AGBL4: variants seen among roughly 807,000 people sequenced by gnomAD.
AGBL4 encodes the protein cytosolic carboxypeptidase 6.
Under a neutral mutation model 66.4 loss-of-function variants are expected in AGBL4, and 58 were observed. The observed-to-expected ratio is 0.87, with a 90% CI of 0.71 to 1.09. The LOEUF is 1.09. AGBL4 is among the 50% of genes least tolerant of loss of function. AGBL4 has a pLI of 0.00. For synonymous variants in AGBL4, 234 were observed against 222.9 expected, an observed-to-expected ratio of 1.05 and a Z score of -0.44; for missense variants, 579 against 631.0, an observed-to-expected ratio of 0.92 and a Z score of 0.88.
intron 6 of AGBL4, among the ~76,000 whole-genome samples, chr1:48,711,493 G>A (rs996116890): frequency 2.6e-5 from 4 of 152,142 alleles, no homozygotes; most frequent in East Asian, 3.9e-4. Context: ...ACCAGGCACC[G>A]CTATGTCAGG....
chr1:48,639,027 G>C (rs1320757014), intron 8 of AGBL4, among the ~76,000 whole-genome samples: 1 of 152,096 alleles, frequency 6.6e-6, no homozygotes, highest in Non-Finnish European at 1.5e-5. Flanking sequence ...CTCCCCAGTT[G>C]GCTATGCTGC....
At chr1:49,673,887 A>C (rs1022107707) in intron 3 of AGBL4, among the ~76,000 whole-genome samples, 10 of 152,136 alleles carry the variant, frequency 6.6e-5, no homozygotes, top group Admixed American at 5.9e-4. Flanking sequence ...TTCCTAAATG[A>C]AAGAGGAAAG....
intron 2 of AGBL4, among the ~76,000 whole-genome samples, chr1:49,727,912 C>T (rs576145670): frequency 6.6e-6 from 1 of 152,140 alleles, no homozygotes; most frequent in African/African-American, 2.4e-5. Flanking sequence ...ATAATGTTTT[C>T]TGAAAACTCT....
At position 48,532,988 on chromosome 1, in the gene AGBL4, A is replaced by G. The variant is rs536364013; in HGVS notation, c.*1185T>C. 6.6e-6 allele frequency: 1 copy of G among 152,394 alleles called. No homozygotes were observed. Among genetic ancestry groups the G allele is most frequent in the East Asian group, 1.9e-4 (1 of 5,184 alleles). 9.4% of individuals were successfully genotyped at this position (152,394 alleles called of 1,614,324 possible). ...TTCTGAAAACTAGCATGCAAAGGAG[A>G]ACAAGTTTTCTTTTTGATTTTTGTA... On this transcript the variant is annotated 3_prime_UTR_variant, in exon 14 of 14. Transcript: ENST00000371839.
In AGBL4 at chr1:48,714,575, C is replaced by T. The variant is rs183450485; in HGVS notation, c.635-51334G>A. ...ACTATTAAGCCCCCTCGTTTCTGTTCTTCCTAACTCCAGTCTCACCCCTTC... is the reference window on the plus strand; with the variant it reads ...ACTATTAAGCCCCCTCGTTTCTGTTTTTCCTAACTCCAGTCTCACCCCTTC... On this transcript the variant is annotated intron_variant, in intron 6 of 13. Coordinates refer to ENST00000371839, the MANE Select transcript of AGBL4 (RefSeq NM_032785.4). 2.1e-3 allele frequency among the ~76,000 whole-genome samples: 323 copies of T among 152,326 alleles called. 2 individuals are homozygous for T. Among genetic ancestry groups the T allele is most frequent in the Non-Finnish European group, 3.2e-3 (217 of 68,032 alleles).
At chr1:48,582,531 G>C (rs573497884) in intron 11 of AGBL4, among the ~76,000 whole-genome samples, 1 of 152,312 alleles carries the variant, frequency 6.6e-6, no homozygotes, top group East Asian at 1.9e-4. Flanking sequence ...CTAGTTGCTA[G>C]TTCCAAAGCC....
intron 3 of AGBL4, among the ~76,000 whole-genome samples, chr1:49,522,935 T>C (rs1650378593): frequency 6.6e-6 from 1 of 152,012 alleles, no homozygotes; most frequent in South Asian, 2.1e-4. Flanking sequence ...TCAGCAAAGG[T>C]GTACCTGCCC....
intron 3 of AGBL4, among the ~76,000 whole-genome samples, chr1:49,265,129 T>C (rs1160685883): frequency 6.6e-6 from 1 of 152,216 alleles, no homozygotes; most frequent in Non-Finnish European, 1.5e-5. Flanking sequence ...TTACAAATGG[T>C]TATATTTAAA....
intron 3 of AGBL4, among the ~76,000 whole-genome samples, chr1:49,523,969 C>G (rs184502284): frequency 1.3e-5 from 2 of 151,952 alleles, no homozygotes; most frequent in African/African-American, 4.8e-5. Context: ...TCATCATCAT[C>G]ATCATCATCA....
intron 4 of AGBL4, among the ~76,000 whole-genome samples, chr1:49,166,713 T>C (rs1262695852): frequency 6.6e-6 from 1 of 152,120 alleles, no homozygotes; most frequent in Non-Finnish European, 1.5e-5. Flanking sequence ...TCCAAATATA[T>C]CACCTTTATG....
intron 4 of AGBL4, among the ~76,000 whole-genome samples, chr1:49,204,442 G>GA (rs951251187): frequency 2.2e-4 from 32 of 146,778 alleles, no homozygotes; most frequent in South Asian, 4.4e-4. Flanking sequence ...GGCTAGTTAA[G>GA]AAAAAAAAAA....
At chr1:48,854,065 A>C (rs1198512692) in intron 6 of AGBL4, among the ~76,000 whole-genome samples, 4 of 152,208 alleles carry the variant, frequency 2.6e-5, no homozygotes, top group Non-Finnish European at 5.9e-5. Context: ...ATTTATTGTC[A>C]TGATTACCTC....
At chr1:48,775,764 C>G (rs1033052886) in intron 6 of AGBL4, among the ~76,000 whole-genome samples, 66 of 152,334 alleles carry the variant, frequency 4.3e-4, no homozygotes, top group African/African-American at 1.6e-3. Flanking sequence ...AACCTCAGTA[C>G]CCTCATCTAC....
At chr1:49,979,790 T>G (rs181322186) in intron 1 of AGBL4, among the ~76,000 whole-genome samples, 53 of 152,272 alleles carry the variant, frequency 3.5e-4, no homozygotes, top group African/African-American at 1.2e-3. Context: ...ACAGGACCCA[T>G]GTGGAATGCC....
chr1:49,059,983 C>T (rs566979476), intron 4 of AGBL4, among the ~76,000 whole-genome samples: 1 of 152,144 alleles, frequency 6.6e-6, no homozygotes, highest in African/African-American at 2.4e-5. Flanking sequence ...ACACTTTGTT[C>T]CTGGACATTT....
At chr1:48,956,947 T>A (rs1448185601) in intron 5 of AGBL4, among the ~76,000 whole-genome samples, 2 of 152,200 alleles carry the variant, frequency 1.3e-5, no homozygotes, top group Admixed American at 1.3e-4. Context: ...TTTTAAATAT[T>A]TCAAATATAT....
intron 11 of AGBL4, among the ~76,000 whole-genome samples, chr1:48,551,287 C>G (rs1322431774): frequency 1.3e-5 from 2 of 152,162 alleles, no homozygotes; most frequent in Admixed American, 6.5e-5. Flanking sequence ...CTGTGTGAAC[C>G]TGGGCAGGCT....
chr1:49,548,302 C>G (rs1032761206), intron 3 of AGBL4, among the ~76,000 whole-genome samples: 12 of 152,132 alleles, frequency 7.9e-5, no homozygotes, highest in Non-Finnish European at 7.4e-5. Context: ...ATTTCTTTCT[C>G]TTGTCTGATT....
chr1:49,005,742 C>T (rs1235327912), intron 5 of AGBL4, among the ~76,000 whole-genome samples: 1 of 152,030 alleles, frequency 6.6e-6, no homozygotes, highest in African/African-American at 2.4e-5. Flanking sequence ...AGAACATAAC[C>T]CCTGAGTCCC....
Sources: gnomAD v4.1 joint callset for allele counts (sites outside exome capture counted in the v4.1 genomes callset) on GRCh38, gnomAD v4.1.1 for gene constraint, MANE v1.5 for transcripts, NCBI Gene and HGNC (gene_info 2026-07-23, HGNC 2026-07-21) for gene names.